Variants in ATP10B observed in about 807,000 individuals in gnomAD.
ATP10B encodes phospholipid-transporting ATPase VB.
In ATP10B, 122 loss-of-function variants were observed where a neutral mutation model predicts 141.2. The observed-to-expected ratio is 0.86, with a 90% CI of 0.75 to 1.00. The LOEUF (loss-of-function observed/expected upper bound fraction) is 1.00, where lower values mean the gene tolerates loss of function less well. ATP10B is among the 50% of genes least tolerant of loss of function. ATP10B has a pLI of 0.00. For synonymous variants in ATP10B, 685 were observed against 692.0 expected, an observed-to-expected ratio of 0.99 and a Z score of 0.16; for missense variants, 1,876 against 1,825.3, an observed-to-expected ratio of 1.03 and a Z score of -0.51.
chr5:160,747,762 T>C (rs1767899613), intron 2 of ATP10B, among the ~76,000 whole-genome samples: 1 of 152,164 alleles, frequency 6.6e-6, no homozygotes, highest in South Asian at 2.1e-4. Context: ...TTGTGGTACT[T>C]TGTTACAGAG....
At chr5:160,885,876 C>T in the ATP10B span, among the ~76,000 whole-genome samples, 3 of 152,180 alleles carry the variant, frequency 2.0e-5, no homozygotes, top group Non-Finnish European at 4.4e-5. Context: ...GCTGTAGTAA[C>T]TTAGATACAC....
In ATP10B at chr5:160,612,733, C is replaced by G; in HGVS notation, c.2838+8G>C. On this transcript the variant is annotated splice_region_variant and intron_variant, in intron 18 of 25. Coordinates refer to ENST00000327245, the MANE Select transcript of ATP10B (RefSeq NM_025153.3). ...ATCTGCAGATATCAATACAGAGAAT[C>G]ACCTCACCTGATTCTCTGTATTGAT... 6.2e-7 allele frequency: 1 copy of G among 1,610,282 alleles called. No individual in the cohort carries two copies.
chr5:160,734,269 CTT>C (rs1035442300), intron 2 of ATP10B, among the ~76,000 whole-genome samples: 1 of 151,982 alleles, frequency 6.6e-6, no homozygotes, highest in Non-Finnish European at 1.5e-5. Flanking sequence ...GATGGAAACT[CTT>C]TATTCCCAGA....
intron 1 of ATP10B, among the ~76,000 whole-genome samples, chr5:160,817,843 C>A (rs1004601825): frequency 6.6e-6 from 1 of 152,056 alleles, no homozygotes; most frequent in Non-Finnish European, 1.5e-5. Context: ...GAAATAATGC[C>A]GCATATCTAC....
intron 24 of ATP10B, among the ~76,000 whole-genome samples, chr5:160,572,817 T>A (rs1754958016): frequency 6.6e-6 from 1 of 152,244 alleles, no homozygotes; most frequent in Admixed American, 6.5e-5. Flanking sequence ...ATAAACCTCA[T>A]ACACCCAACA....
chr5:160,916,284 T>C, the ATP10B span, among the ~76,000 whole-genome samples: 4 of 152,244 alleles, frequency 2.6e-5, no homozygotes, highest in African/African-American at 9.6e-5. Context: ...AAGCCTGGGC[T>C]CCAGCCCTTG....
At chr5:160,643,112 C>T (rs1263965621) in intron 9 of ATP10B, among the ~76,000 whole-genome samples, 1 of 152,218 alleles carries the variant, frequency 6.6e-6, no homozygotes, top group African/African-American at 2.4e-5. Context: ...GTCATCTGAA[C>T]TGACAAATAT....
chr5:160,813,818 T>C lies in ATP10B; in HGVS notation c.-575-28015A>G, dbSNP rs572313571. ...GGAATGATCAGGAAGCAACATTTGC[T>C]GTTCACCAATATCTGCTGTTCTGCA... On this transcript the variant is annotated intron_variant, in intron 1 of 25. Coordinates refer to ENST00000327245, the MANE Select transcript of ATP10B (RefSeq NM_025153.3). Among the ~76,000 whole-genome samples, 7 of 152,346 alleles carry C rather than the reference T, an allele frequency of 4.6e-5. No individual in the cohort carries two copies. In the South Asian group the frequency reaches 1.4e-3, roughly 32 times the overall value.
intron 7 of ATP10B, among the ~76,000 whole-genome samples, chr5:160,653,464 TGTAC>T (rs1561704277): frequency 1.9e-4 from 1 of 5,264 alleles, no homozygotes; most frequent in African/African-American, 4.3e-4. Flanking sequence ...TATATACATA[TGTAC>T]ATACATACAT....
chr5:160,608,693 T>C (rs747097379), intron 18 of ATP10B, among the ~76,000 whole-genome samples: 1 of 152,226 alleles, frequency 6.6e-6, no homozygotes, highest in African/African-American at 2.4e-5. Flanking sequence ...ATGATGAGCA[T>C]TTTTTCATGT....
At chr5:160,715,688 CTTTATTTATTTA>C (rs68128776) in intron 3 of ATP10B, among the ~76,000 whole-genome samples, 21 of 141,720 alleles carry the variant, frequency 1.5e-4, no homozygotes, top group African/African-American at 5.3e-4. Flanking sequence ...ATTTAGCTTG[CTTTATTTATTTA>C]TTTATTTATT....
At chr5:160,918,701 C>G in the ATP10B span, among the ~76,000 whole-genome samples, 4 of 152,114 alleles carry the variant, frequency 2.6e-5, no homozygotes, top group Non-Finnish European at 5.9e-5. Flanking sequence ...TGGATCATCA[C>G]GGGGACAAAA....
chr5:160,802,386 T>C (rs1772433909), intron 1 of ATP10B, among the ~76,000 whole-genome samples: 4 of 152,194 alleles, frequency 2.6e-5, no homozygotes, highest in African/African-American at 4.8e-5. Context: ...ATATCAGTGG[T>C]TCTCAACTGG....
chr5:160,667,569 T>G (rs1402119135), intron 7 of ATP10B, among the ~76,000 whole-genome samples: 1 of 152,192 alleles, frequency 6.6e-6, no homozygotes, highest in Non-Finnish European at 1.5e-5. Flanking sequence ...TAATCTTCCT[T>G]TCACATAGGA....
the ATP10B span, among the ~76,000 whole-genome samples, chr5:160,874,758 G>T: frequency 6.6e-6 from 1 of 151,856 alleles, no homozygotes; most frequent in East Asian, 1.9e-4. Flanking sequence ...AGGAGCCGAT[G>T]CGATCAACTG....
chr5:160,592,236 T>G (rs1756356080), intron 22 of ATP10B, among the ~76,000 whole-genome samples: 1 of 152,176 alleles, frequency 6.6e-6, no homozygotes, highest in South Asian at 2.1e-4. Context: ...ATAGAACCAT[T>G]GTATACCTTA....
At chr5:160,902,794 T>C in the ATP10B span, among the ~76,000 whole-genome samples, 2 of 152,208 alleles carry the variant, frequency 1.3e-5, no homozygotes, top group African/African-American at 2.4e-5. Context: ...TAATTTCAAA[T>C]GTTCTGAGAG....
the ATP10B span, among the ~76,000 whole-genome samples, chr5:160,904,105 C>A: frequency 6.6e-6 from 1 of 151,958 alleles, no homozygotes; most frequent in African/African-American, 2.4e-5. Flanking sequence ...AAGCTCCCAG[C>A]AGGCAAGGAA....
At chr5:160,641,636 A>G (rs1010487595) in intron 9 of ATP10B, among the ~76,000 whole-genome samples, 1 of 152,208 alleles carries the variant, frequency 6.6e-6, no homozygotes, top group Non-Finnish European at 1.5e-5. Context: ...CCAAGATCAC[A>G]CACCTAAGAG....
Sources: allele counts gnomAD v4.1 joint callset (sites outside exome capture counted in the v4.1 genomes callset), GRCh38; gene constraint gnomAD v4.1.1; transcripts MANE v1.5; gene names NCBI Gene and HGNC (gene_info 2026-07-23, HGNC 2026-07-21).